The following SNX25 variants were observed in gnomAD, a reference collection of about 807,000 sequenced individuals.
SNX25 encodes sorting nexin 25, also known as sorting nexin-25.
Under a neutral mutation model 113.7 loss-of-function variants are expected in SNX25, and 62 were observed. The ratio of observed to expected loss-of-function variants is 0.55; its 90% confidence interval spans 0.44 to 0.67. SNX25 has a LOEUF of 0.67. Among genes scored for constraint, SNX25 ranks in the 30% least tolerant of loss-of-function variants. The pLI is 0.00. For missense variants in SNX25, 1,014 were observed against 1,161.0 expected (o/e 0.87, Z 1.84); for synonymous variants, 421 against 436.2 (o/e 0.97, Z 0.43).
rs554938896 is a variant in SNX25, at chr4:185,264,248, A to G, written c.732-190A>G. On this transcript the variant is annotated intron_variant, in intron 3 of 18. Coordinates refer to ENST00000652585, the MANE Select transcript of SNX25 (RefSeq NM_001378034.2). The stretch of plus-strand genomic sequence containing the variant: ...TATGATTTCATTTGAAATCCAAAAA[A>G]GGCCATGCATTTGCATTTATTCTAG... 1.2e-3 allele frequency among the ~76,000 whole-genome samples: 182 copies of G among 152,362 alleles called. 4 individuals are homozygous for G. The South Asian group carries it at 0.037, about 31-fold the overall frequency.
At chr4:185,308,890 T>C (rs1754863269) in intron 6 of SNX25, among the ~76,000 whole-genome samples, 4 of 152,136 alleles carry the variant, frequency 2.6e-5, no homozygotes. Context: ...TCCACCTAGG[T>C]AGCTCAGAAG....
At chr4:185,290,830 C>G (rs531059320) in intron 6 of SNX25, among the ~76,000 whole-genome samples, 2 of 151,962 alleles carry the variant, frequency 1.3e-5, no homozygotes, top group East Asian at 3.9e-4. Context: ...AGGACTATAG[C>G]CAGGGACACA....
At position 185,284,231 on chromosome 4, in the gene SNX25, C is replaced by T. The variant is rs559311574; in HGVS notation, c.1092-3781C>T. 2.6e-5 allele frequency among the ~76,000 whole-genome samples: 4 copies of T among 152,172 alleles called. No homozygotes were observed. In the South Asian group the frequency reaches 6.2e-4, roughly 24 times the overall value. Reference sequence around the variant, plus strand: ...AGTTTTCAGTCTACATTCTTAGGCTCGAAAATGTGTCAACATTCTTTGAAG... The same window carrying T: ...AGTTTTCAGTCTACATTCTTAGGCTTGAAAATGTGTCAACATTCTTTGAAG... On this transcript the variant is annotated intron_variant, in intron 5 of 18. Transcript: ENST00000652585.
chr4:185,223,479 G>A (rs768228364), intron 1 of SNX25, among the ~76,000 whole-genome samples: 1 of 152,044 alleles, frequency 6.6e-6, no homozygotes, highest in Non-Finnish European at 1.5e-5. Context: ...TGATTCCTTT[G>A]GCAAAACTTT....
chr4:185,216,277 A>C (rs953109040), intron 1 of SNX25, among the ~76,000 whole-genome samples: 3 of 152,090 alleles, frequency 2.0e-5, no homozygotes, highest in Admixed American at 6.5e-5. Context: ...ACATGTATTC[A>C]AAAGGAGAAG....
Position 185,210,117 on chromosome 4 carries a change from C to T in SNX25, c.291C>T (p.Tyr97=). 2.0e-6 allele frequency: 2 copies of T among 984,194 alleles called. No individual in the cohort carries two copies. Among genetic ancestry groups the T allele is most frequent in the Non-Finnish European group, 2.4e-6 (2 of 829,598 alleles). The allele number at this position is 984,194 out of a possible 1,614,324, so 61.0% of individuals were successfully genotyped here. ...LSSVLFRLSL[Y]LSCAAAAFLL... ...CCGTCCTGTTCAGGCTCAGCCTGTA[C>T]CTGAGCTGCGCGGCGGCCGCCTTCC... The change falls in exon 1 of 19, where the codon TAC becomes TAT. Residue 97 remains tyrosine (Y), a synonymous_variant. Coordinates refer to ENST00000652585, the MANE Select transcript of SNX25 (RefSeq NM_001378034.2). This position sits in a 1 kb window ranked among gnomAD's most constrained non-coding sequence, Gnocchi z 4.4.
intron 7 of SNX25, among the ~76,000 whole-genome samples, chr4:185,317,613 C>A (rs908517065): frequency 1.3e-5 from 2 of 152,140 alleles, no homozygotes; most frequent in Non-Finnish European, 2.9e-5. Context: ...AAATGTGGCA[C>A]ATATACACCA....
chr4:185,238,626 C>CTG (rs1743016158), intron 1 of SNX25, among the ~76,000 whole-genome samples: 1 of 152,218 alleles, frequency 6.6e-6, no homozygotes, highest in South Asian at 2.1e-4. Flanking sequence ...AGAGACTCAG[C>CTG]CATGGGACGG....
upstream of SNX25, among the ~76,000 whole-genome samples, chr4:185,208,262 C>T (rs909053136): frequency 2.0e-5 from 3 of 151,954 alleles, no homozygotes; most frequent in Admixed American, 6.6e-5. Flanking sequence ...ATGATCTGCC[C>T]GCCTCAGCCT....
intron 2 of SNX25, among the ~76,000 whole-genome samples, chr4:185,251,231 G>C (rs1013241566): frequency 9.2e-5 from 14 of 152,148 alleles, no homozygotes; most frequent in Non-Finnish European, 1.6e-4. Context: ...CTGACCTCAA[G>C]TGATCCGCTT....
chr4:185,256,098 C>G (rs1746381286), intron 2 of SNX25, among the ~76,000 whole-genome samples: 1 of 152,116 alleles, frequency 6.6e-6, no homozygotes, highest in Non-Finnish European at 1.5e-5. Context: ...TTTTACCTTC[C>G]TTTTTGTGTC....
At chr4:185,224,462 T>G (rs1579352975) in intron 1 of SNX25, among the ~76,000 whole-genome samples, 1 of 118,016 alleles carries the variant, frequency 8.5e-6, no homozygotes, top group Non-Finnish European at 1.7e-5. Context: ...TATATAGATA[T>G]ATAAATATAT....
chr4:185,204,869 G>A (rs1311172432), upstream of SNX25, among the ~76,000 whole-genome samples: 4 of 152,190 alleles, frequency 2.6e-5, no homozygotes, highest in Non-Finnish European at 5.9e-5. Flanking sequence ...GAAGGAACTA[G>A]AGCCTGCAAA....
downstream of SNX25, among the ~76,000 whole-genome samples, chr4:185,372,530 T>C (rs1561077266): frequency 1.3e-5 from 2 of 152,246 alleles, no homozygotes; most frequent in Non-Finnish European, 2.9e-5. Flanking sequence ...TTTCATCCAG[T>C]TTATTCAAAC....
downstream of SNX25, among the ~76,000 whole-genome samples, chr4:185,370,481 T>C (rs2095411118): frequency 4.6e-5 from 7 of 152,326 alleles, no homozygotes; most frequent in South Asian, 1.5e-3. Context: ...GACAGAATTG[T>C]CTGCAAACAA....
chr4:185,240,103 G>C (rs1183208264), intron 1 of SNX25, among the ~76,000 whole-genome samples: 6 of 151,884 alleles, frequency 4.0e-5, no homozygotes, highest in African/African-American at 7.2e-5. Flanking sequence ...AGATCAACAG[G>C]ATCCCAAGGC....
At chr4:185,335,571 C>T (rs1443382017) in intron 10 of SNX25, among the ~76,000 whole-genome samples, 1 of 152,170 alleles carries the variant, frequency 6.6e-6, no homozygotes, top group Non-Finnish European at 1.5e-5. Flanking sequence ...TCTCACAGAT[C>T]TCTGTACCAG....
chr4:185,253,025 A>G (rs1278436574), intron 2 of SNX25, among the ~76,000 whole-genome samples: 1 of 152,206 alleles, frequency 6.6e-6, no homozygotes, highest in Non-Finnish European at 1.5e-5. Context: ...GCTTCAGAAG[A>G]TTCTCCAAAA....
chr4:185,231,436 G>A (rs1342085427), intron 1 of SNX25, among the ~76,000 whole-genome samples: 6 of 151,756 alleles, frequency 4.0e-5, no homozygotes, highest in African/African-American at 7.3e-5. Context: ...TTGGCCGGAC[G>A]CGGTGGCTCA....
Sources: allele counts gnomAD v4.1 joint callset (sites outside exome capture counted in the v4.1 genomes callset), GRCh38; gene constraint gnomAD v4.1.1; non-coding constraint Gnocchi (gnomAD v3.1); transcripts MANE v1.5; gene names NCBI Gene and HGNC (gene_info 2026-07-23, HGNC 2026-07-21).